The following DNAH14 variants were observed in gnomAD, a reference collection of about 807,000 sequenced individuals.
DNAH14 encodes the protein dynein axonemal heavy chain 14, also known as axonemal beta dynein heavy chain 14.
Under a neutral mutation model 520.9 loss-of-function variants are expected in DNAH14, and 478 were observed. That is an observed-to-expected ratio of 0.92 (90% CI 0.85 to 0.99). The LOEUF is 0.99. Ranked by LOEUF, DNAH14 falls within the 50% of genes least tolerant of loss-of-function variation. The pLI is 0.00. For missense variants in DNAH14, 4,831 were observed against 5,234.5 expected (o/e 0.92, Z 2.38); for synonymous variants, 1,581 against 1,757.2 (o/e 0.90, Z 2.51).
chr1:225,047,044 A>T (rs954977433), intron 15 of DNAH14, among the ~76,000 whole-genome samples: 13 of 152,166 alleles, frequency 8.5e-5, no homozygotes, highest in African/African-American at 3.1e-4. Context: ...AGGAACTAAG[A>T]TCTATGCACT....
At chr1:225,307,258 G>A (rs1221689053) in intron 58 of DNAH14, among the ~76,000 whole-genome samples, 2 of 152,118 alleles carry the variant, frequency 1.3e-5, no homozygotes, top group Non-Finnish European at 2.9e-5. Context: ...AATGGATACT[G>A]ATGCAGCAGT....
At chr1:225,208,283 A>G (rs1381654402) in intron 41 of DNAH14, among the ~76,000 whole-genome samples, 2 of 152,120 alleles carry the variant, frequency 1.3e-5, no homozygotes, top group Admixed American at 1.3e-4. Flanking sequence ...AAACAAAGCA[A>G]AAAGAATCAG....
At chr1:225,069,524 T>C (rs1397341812) in intron 17 of DNAH14, among the ~76,000 whole-genome samples, 1 of 152,216 alleles carries the variant, frequency 6.6e-6, no homozygotes, top group Non-Finnish European at 1.5e-5. Context: ...TTGTGTATAT[T>C]GAACCAACTT....
intron 17 of DNAH14, among the ~76,000 whole-genome samples, chr1:225,059,433 A>G (rs1169763228): frequency 2.0e-5 from 3 of 151,980 alleles, no homozygotes; most frequent in African/African-American, 7.3e-5. Context: ...TGCACATGAG[A>G]TGGGTTTCCT....
At chr1:224,975,377 G>A (rs2061749372) in intron 8 of DNAH14, among the ~76,000 whole-genome samples, 1 of 151,838 alleles carries the variant, frequency 6.6e-6, no homozygotes, top group Admixed American at 6.6e-5. Flanking sequence ...TGGTTGGTAA[G>A]CTATTGATTA....
intron 43 of DNAH14, among the ~76,000 whole-genome samples, chr1:225,248,483 G>A (rs1377363531): frequency 6.6e-6 from 1 of 152,142 alleles, no homozygotes; most frequent in Non-Finnish European, 1.5e-5. Context: ...GATAACTTTA[G>A]ATTTGTTAGA....
intron 46 of DNAH14, among the ~76,000 whole-genome samples, chr1:225,263,318 T>G (rs1313541214): frequency 2.0e-5 from 3 of 151,742 alleles, no homozygotes; most frequent in African/African-American, 4.8e-5. Context: ...AAAACATAAC[T>G]CTTGATTTCT....
intron 21 of DNAH14, among the ~76,000 whole-genome samples, chr1:225,095,562 T>C (rs2074887846): frequency 6.6e-6 from 1 of 152,186 alleles, no homozygotes; most frequent in Non-Finnish European, 1.5e-5. Flanking sequence ...TGTTATTACC[T>C]GGGTAACAAA....
At chr1:225,120,778 G>GA (rs2077226551) in intron 26 of DNAH14, among the ~76,000 whole-genome samples, 1 of 152,134 alleles carries the variant, frequency 6.6e-6, no homozygotes. Flanking sequence ...AAGAAACCCT[G>GA]AAAAAATGAA....
chr1:225,184,109 A>C (rs1420573479), intron 36 of DNAH14, among the ~76,000 whole-genome samples: 2 of 152,160 alleles, frequency 1.3e-5, no homozygotes, highest in African/African-American at 4.8e-5. Flanking sequence ...AATCAGGCCA[A>C]AACATGCAAT....
intron 69 of DNAH14, among the ~76,000 whole-genome samples, chr1:225,343,104 C>T (rs900195097): frequency 2.0e-5 from 3 of 152,140 alleles, no homozygotes; most frequent in Non-Finnish European, 2.9e-5. Context: ...GATGTAGGTC[C>T]CCACTGTTAG....
intron 17 of DNAH14, among the ~76,000 whole-genome samples, chr1:225,077,496 A>C (rs2072442150): frequency 3.2e-5 from 2 of 62,378 alleles, no homozygotes; most frequent in Non-Finnish European, 1.4e-4. Context: ...TGTATTTCAA[A>C]ATTTTTTGGG....
chr1:225,060,284 C>G (rs1247529947), intron 17 of DNAH14, among the ~76,000 whole-genome samples: 2 of 151,986 alleles, frequency 1.3e-5, no homozygotes, highest in African/African-American at 4.8e-5. Flanking sequence ...TCACTGATAC[C>G]CTTTCTTCCA....
At position 225,289,989 on chromosome 1, in the gene DNAH14, C is replaced by T. The variant is rs2093829881; in HGVS notation, c.8376C>T (p.Ile2792=). The change falls in exon 55 of 86, where the codon ATC becomes ATT. Residue 2792 remains isoleucine, a synonymous_variant. Transcript: ENST00000682510. ...CTATATCTCACAAATGTGCCTACAT[C>T]GAATTCAAAGAAGTCTTTAAAAAGG... is the stretch of plus-strand genomic sequence containing the variant. ...RVPISHKCAY[I]EFKEVFKKVF... The T allele has an allele frequency of 1.3e-6, 2 of 1,543,134 alleles. No homozygotes were observed. The highest frequency in any genetic ancestry group is 1.4e-5 in the African/African-American group (1 of 72,966).
At chr1:225,342,022 G>A (rs539954849) in intron 69 of DNAH14, among the ~76,000 whole-genome samples, 4 of 152,024 alleles carry the variant, frequency 2.6e-5, no homozygotes, top group Non-Finnish European at 4.4e-5. Context: ...CTGAACTTCC[G>A]CACATCGGGC....
rs113838784 is a variant in DNAH14 at position 225,375,467 on chromosome 1, G to T, written c.12516+582G>T. On this transcript the variant is annotated intron_variant, in intron 78 of 85. Coordinates refer to ENST00000682510, the MANE Select transcript of DNAH14 (RefSeq NM_001367479.1). The stretch of plus-strand genomic sequence containing the variant: ...GGGTGGGAATTTGGATAAGAGAGGT[G>T]AATGGAAGATGAAAAGGAAGACGAC... Among the ~76,000 whole-genome samples, 284 of 152,332 alleles carry T rather than the reference G, an allele frequency of 1.9e-3. 1 individual carries two copies. The highest frequency in any genetic ancestry group is 6.6e-3 in the African/African-American group (274 of 41,576).
At position 225,145,322 on chromosome 1, in the gene DNAH14, C is replaced by G; in HGVS notation, c.4741-4C>G. 5.8e-6 allele frequency: 9 copies of G among 1,540,462 alleles called. No homozygotes were observed. Among genetic ancestry groups the G allele is most frequent in the Non-Finnish European group, 7.0e-6 (8 of 1,142,098 alleles). Reference sequence around the variant, plus strand: ...AAAGATACTAAAATATTTTTGTTTCCCAGTCCTTAGGCAAACATTGTGTGG... The same window carrying G: ...AAAGATACTAAAATATTTTTGTTTCGCAGTCCTTAGGCAAACATTGTGTGG... On this transcript the variant is annotated splice_polypyrimidine_tract_variant and splice_region_variant and intron_variant, in intron 29 of 85. Transcript: ENST00000682510.
chr1:225,334,884 ATGTGTGTGTGTG>A (rs1218533136), intron 66 of DNAH14, among the ~76,000 whole-genome samples: 1 of 143,156 alleles, frequency 7.0e-6, no homozygotes. Flanking sequence ...CTACATATAT[ATGTGTGTGTGTG>A]TGTGTGTGTG....
At chr1:225,194,061 T>C (rs1430702013) in intron 38 of DNAH14, among the ~76,000 whole-genome samples, 1 of 151,996 alleles carries the variant, frequency 6.6e-6, no homozygotes, top group African/African-American at 2.4e-5. Context: ...CACAAACAAA[T>C]GGAAAAACAT....
Sources: allele counts gnomAD v4.1 joint callset (sites outside exome capture counted in the v4.1 genomes callset), GRCh38; gene constraint gnomAD v4.1.1; transcripts MANE v1.5; gene names NCBI Gene and HGNC (gene_info 2026-07-23, HGNC 2026-07-21).